The following GREB1 variants were observed in gnomAD, a reference collection of about 807,000 sequenced individuals.
GREB1 encodes protein GREB1.
In GREB1, 106 loss-of-function variants were observed where a neutral mutation model predicts 200.7. The observed-to-expected ratio is 0.53, with a 90% confidence interval of 0.45 to 0.62. GREB1 has a LOEUF of 0.62. Ranked by LOEUF, GREB1 falls within the 20% of genes least tolerant of loss-of-function variation. The probability of loss-of-function intolerance (pLI) is 0.00; values close to 1 mark genes in which losing one functional copy is unlikely to be tolerated. For synonymous variants in GREB1, 1,132 were observed against 1,092.4 expected, an observed-to-expected ratio of 1.04 and a Z score of -0.72; for missense variants, 2,243 against 2,556.8, an observed-to-expected ratio of 0.88 and a Z score of 2.65.
At chr2:11,508,770 T>A (rs545319122) in intron 1 of GREB1, among the ~76,000 whole-genome samples, 3 of 152,122 alleles carry the variant, frequency 2.0e-5, no homozygotes, top group Non-Finnish European at 4.4e-5. Context: ...TGCCAGAATC[T>A]CCACCATTAT....
chr2:11,615,768 G>T (rs188022091), intron 20 of GREB1, among the ~76,000 whole-genome samples: 7 of 152,148 alleles, frequency 4.6e-5, no homozygotes, highest in Non-Finnish European at 8.8e-5. Flanking sequence ...ATCTGATGCC[G>T]CCTTTTTAAT....
At chr2:11,627,255 G>T in intron 25 of GREB1, 151 bp downstream of exon 25, 1 of 671,760 alleles carries the variant, frequency 1.5e-6, no homozygotes, top group Non-Finnish European at 2.4e-6. Flanking sequence ...CCCTTCAATT[G>T]TCTGTGAAAT....
Position 11,485,269 on chromosome 2 carries a change from A to G in GREB1, c.-159+2888A>G, listed in dbSNP as rs563917901. On this transcript the variant is annotated intron_variant, in intron 1 of 2. Transcript: ENST00000628795. ...TTATTTTATTTTATTTTATATATAT[A>G]TATGTATTTTTTTTTTTTTTTGAGA... is the stretch of plus-strand genomic sequence containing the variant. Among the ~76,000 whole-genome samples the G allele has an allele frequency of 4.1e-4, 40 of 96,564 alleles. 1 individual carries two copies. Among genetic ancestry groups the G allele is most frequent in the African/African-American group, 1.5e-3 (35 of 23,816 alleles). The allele number at this position is 96,564 out of a possible 152,430, so 63.3% of individuals were successfully genotyped here.
chr2:11,522,173 AT>A (rs954395647), intron 1 of GREB1, among the ~76,000 whole-genome samples: 16 of 151,432 alleles, frequency 1.1e-4, no homozygotes, highest in Admixed American at 3.3e-4. Flanking sequence ...TTTCAAGTAG[AT>A]TTTTTTTTGG....
intron 31 of GREB1, 24 bp downstream of exon 31, chr2:11,637,940 C>G (rs777578478): frequency 5.1e-6 from 8 of 1,579,838 alleles, no homozygotes; most frequent in Non-Finnish European, 7.0e-6. Flanking sequence ...GGGGTGCTGT[C>G]GAATCCCTAA....
At chr2:11,501,978 G>A (rs1393687104) in intron 1 of GREB1, among the ~76,000 whole-genome samples, 1 of 128,270 alleles carries the variant, frequency 7.8e-6, no homozygotes, top group East Asian at 2.5e-4. Context: ...GTGCAATGGT[G>A]CGATCTCGGC....
At chr2:11,565,008 T>A (rs1572721770) in intron 3 of GREB1, among the ~76,000 whole-genome samples, 1 of 152,150 alleles carries the variant, frequency 6.6e-6, no homozygotes. Context: ...CCCACCCCCA[T>A]GATTCAGTTA....
At chr2:11,591,981 C>T in intron 10 of GREB1, 1 of 983,562 alleles carries the variant, frequency 1.0e-6, no homozygotes, top group South Asian at 4.7e-5. Flanking sequence ...ATACTAATTC[C>T]AGCAATACAT....
rs1454900622 is a variant in GREB1 at position 11,589,022 on chromosome 2, G to C, written c.1345+91G>C. ...TCGGCCCTCGTGGGGGCTGACTTGG[G>C]CTGCTGGAATTGAAATACATGGGGA... On this transcript the variant is annotated intron_variant, in intron 10 of 32. Coordinates refer to ENST00000381486, the MANE Select transcript of GREB1 (RefSeq NM_014668.4). 7.1e-6 allele frequency: 7 copies of C among 987,238 alleles called. No individual in the cohort carries two copies. In the East Asian group the frequency reaches 1.7e-4, roughly 24 times the overall value. The allele number at this position is 987,238 out of a possible 1,614,324, so 61.2% of individuals were successfully genotyped here.
At chr2:11,508,430 T>G (rs1025011496) in intron 1 of GREB1, among the ~76,000 whole-genome samples, 4 of 152,228 alleles carry the variant, frequency 2.6e-5, no homozygotes, top group African/African-American at 4.8e-5. Flanking sequence ...GCGTGGGTCT[T>G]CAGCAGAACG....
At chr2:11,499,606 G>C (rs1672976427) in intron 1 of GREB1, among the ~76,000 whole-genome samples, 1 of 152,216 alleles carries the variant, frequency 6.6e-6, no homozygotes, top group South Asian at 2.1e-4. Flanking sequence ...TTTATCTGAT[G>C]AAAGTAATTA....
At position 11,587,442 on chromosome 2, in the gene GREB1, G is replaced by A. The variant is rs138327123; in HGVS notation, c.1160-1304G>A. 1,147 of 1,613,824 alleles carry A rather than the reference G, an allele frequency of 7.1e-4. 1 individual carries two copies. The highest frequency in any genetic ancestry group is 2.0e-3 in the Middle Eastern group (12 of 6,062). ...GGTCCGGCAGAACCTGCATCGCCCCGGAGCTTATGAGAGGCGTGAATTCAT... is the reference window on the plus strand; with the variant it reads ...GGTCCGGCAGAACCTGCATCGCCCCAGAGCTTATGAGAGGCGTGAATTCAT... On this transcript the variant is annotated intron_variant, in intron 9 of 32. Coordinates refer to ENST00000381486, the MANE Select transcript of GREB1 (RefSeq NM_014668.4).
At chr2:11,496,208 A>C (rs1410510189) in intron 1 of GREB1, among the ~76,000 whole-genome samples, 1 of 152,082 alleles carries the variant, frequency 6.6e-6, no homozygotes, top group African/African-American at 2.4e-5. Context: ...GGCACCGGCC[A>C]CTGTGCGCTG....
At chr2:11,607,595 T>TATATATACATATATATAC (rs1682499852) in intron 17 of GREB1, among the ~76,000 whole-genome samples, 7 of 136,480 alleles carry the variant, frequency 5.1e-5, no homozygotes, top group African/African-American at 1.2e-4. Flanking sequence ...CATATATACA[T>TATATATACATATATATAC]ATATATACAT....
chr2:11,631,867 A>G (rs1336355937), intron 26 of GREB1, 42 bp from the exon 27 acceptor site: 2 of 1,426,798 alleles, frequency 1.4e-6, no homozygotes, highest in East Asian at 4.5e-5. Flanking sequence ...AATTGCAGCC[A>G]CATTTACAAA....
At chr2:11,573,666 G>T (rs1011565113) in intron 4 of GREB1, among the ~76,000 whole-genome samples, 1 of 152,144 alleles carries the variant, frequency 6.6e-6, no homozygotes, top group African/African-American at 2.4e-5. Context: ...AGAGCAGCTG[G>T]GTCTCCTGAC....
At chr2:11,489,464 A>G (rs1006063933) in intron 1 of GREB1, among the ~76,000 whole-genome samples, 3 of 126,872 alleles carry the variant, frequency 2.4e-5, no homozygotes, top group Middle Eastern at 4.0e-3. Context: ...GTCTTGGGGG[A>G]AAAAAAAATA....
In GREB1 at chr2:11,548,835, G is replaced by C. The variant is rs1675542219; in HGVS notation, c.-161-7619G>C. ...GGGAGATAAATTGCTTTGAGATTTTGCATTTCAGAAAATGGTTTTACTCTA... is the reference window on the plus strand; with the variant it reads ...GGGAGATAAATTGCTTTGAGATTTTCCATTTCAGAAAATGGTTTTACTCTA... On this transcript the variant is annotated intron_variant, in intron 1 of 32. Transcript: ENST00000381486. The surrounding 1 kb of genome is among the most constrained non-coding windows in gnomAD (Gnocchi z 5.1). Among the ~76,000 whole-genome samples, 1 of 152,016 alleles carries C rather than the reference G, an allele frequency of 6.6e-6. No individual in the cohort carries two copies. The highest frequency in any genetic ancestry group is 6.6e-5 in the Admixed American group (1 of 15,266).
At chr2:11,499,656 A>G (rs1248602808) in intron 1 of GREB1, among the ~76,000 whole-genome samples, 2 of 152,272 alleles carry the variant, frequency 1.3e-5, no homozygotes, top group Non-Finnish European at 2.9e-5. Flanking sequence ...ACATGTGTTA[A>G]TTGCAGAAAA....
Sources: allele counts gnomAD v4.1 joint callset (sites outside exome capture counted in the v4.1 genomes callset), GRCh38; gene constraint gnomAD v4.1.1; non-coding constraint Gnocchi (gnomAD v3.1); transcripts MANE v1.5; gene names NCBI Gene and HGNC (gene_info 2026-07-23, HGNC 2026-07-21).